The following LIPI variants were observed in gnomAD, a reference collection of about 807,000 sequenced individuals.
The protein encoded by LIPI is lipase member I.
LIPI carries 59 observed loss-of-function variants against 50.6 expected under a neutral mutation model. The observed-to-expected ratio is 1.16, with a 90% CI of 0.94 to 1.45. The LOEUF (loss-of-function observed/expected upper bound fraction) is 1.45. LIPI is among the 40% of genes most tolerant of loss of function. LIPI has a pLI of 0.00. For synonymous variants in LIPI, 203 were observed against 178.2 expected (o/e 1.14, Z -1.11); for missense variants, 586 against 536.3 (o/e 1.09, Z -0.92).
At chr21:14,156,986 T>G (rs1482682443) in intron 7 of LIPI, among the ~76,000 whole-genome samples, 1 of 151,918 alleles carries the variant, frequency 6.6e-6, no homozygotes, top group Non-Finnish European at 1.5e-5. Context: ...AGAAGAATCC[T>G]CACTACATCG....
chr21:14,169,387 C>T (rs1390371849), intron 4 of LIPI, among the ~76,000 whole-genome samples: 1 of 152,116 alleles, frequency 6.6e-6, no homozygotes, highest in African/African-American at 2.4e-5. Context: ...CAGAACTCTC[C>T]ACCCCAAATC....
chr21:14,120,062 A>G (rs2016805514), intron 9 of LIPI, among the ~76,000 whole-genome samples: 1 of 152,218 alleles, frequency 6.6e-6, no homozygotes, highest in Admixed American at 6.5e-5. Flanking sequence ...TTACCAATAG[A>G]ATATGTGGAA....
intron 4 of LIPI, among the ~76,000 whole-genome samples, chr21:14,171,960 C>T (rs980530837): frequency 1.7e-4 from 25 of 150,966 alleles, no homozygotes; most frequent in African/African-American, 4.6e-4. Context: ...TTTTCACAAC[C>T]TACTCATCTG....
chr21:14,186,133 C>T lies in LIPI; in HGVS notation c.433-64G>A, dbSNP rs572179939. ...TCAAGTAATAACAAATCATGCCCCC[C>T]TCATATATCGACATTTCAAAATTCA... is the stretch of plus-strand genomic sequence containing the variant. On this transcript the variant is annotated intron_variant, in intron 2 of 9. Coordinates refer to ENST00000681601, the MANE Select transcript of LIPI (RefSeq NM_001302998.2). 188 of 887,052 alleles carry T rather than the reference C, an allele frequency of 2.1e-4. 5 individuals carry two copies. The highest frequency in any genetic ancestry group is 1.5e-3 in the Middle Eastern group (7 of 4,648). 54.9% of individuals were successfully genotyped at this position (887,052 alleles called of 1,614,324 possible).
intron 9 of LIPI, among the ~76,000 whole-genome samples, chr21:14,118,514 C>A (rs1390042873): frequency 6.6e-6 from 1 of 152,182 alleles, no homozygotes; most frequent in Non-Finnish European, 1.5e-5. Context: ...TACAAAACTG[C>A]AGGCTCAGAT....
intron 4 of LIPI, among the ~76,000 whole-genome samples, chr21:14,176,034 C>T (rs2019082545): frequency 6.6e-6 from 1 of 151,794 alleles, no homozygotes; most frequent in South Asian, 2.1e-4. Flanking sequence ...AAAAATTAGC[C>T]GGGCCTGGTG....
Position 14,189,323 on chromosome 21 carries a change from T to C in LIPI, c.143A>G (p.Tyr48Cys), listed in dbSNP as rs200516405. ...IPRIETILMM[Y>C]TRNNLNCAEP... ...AGCACAGTTTAGGTTGTTCCTTGTATACATCATCAGAATGGTCTCTATTCT... is the reference window on the plus strand; with the variant it reads ...AGCACAGTTTAGGTTGTTCCTTGTACACATCATCAGAATGGTCTCTATTCT... The change falls in exon 2 of 10, where the codon TAT becomes TGT. Residue 48 changes from tyrosine to cysteine, a missense_variant. Transcript: ENST00000681601. 2.7e-5 allele frequency: 43 copies of C among 1,613,382 alleles called. 1 individual carries two copies. The African/African-American group carries it at 3.7e-4, about 14-fold the overall frequency.
At chr21:14,140,561 T>C (rs923907814) in intron 9 of LIPI, among the ~76,000 whole-genome samples, 2 of 152,066 alleles carry the variant, frequency 1.3e-5, no homozygotes, top group Non-Finnish European at 2.9e-5. Flanking sequence ...TTCATTATTG[T>C]GCAAATATAA....
intron 7 of LIPI, among the ~76,000 whole-genome samples, chr21:14,158,803 A>T (rs1418406233): frequency 6.6e-6 from 1 of 150,984 alleles, no homozygotes; most frequent in African/African-American, 2.4e-5. Flanking sequence ...TGTTAGGAAT[A>T]AAACAAAAGG....
intron 9 of LIPI, among the ~76,000 whole-genome samples, chr21:14,122,558 A>G (rs1233575304): frequency 6.6e-6 from 1 of 152,210 alleles, no homozygotes; most frequent in Non-Finnish European, 1.5e-5. Context: ...ACTTAGGACA[A>G]GAAAGAGTCA....
At chr21:14,135,163 C>T (rs2017446500) in intron 9 of LIPI, among the ~76,000 whole-genome samples, 2 of 152,042 alleles carry the variant, frequency 1.3e-5, no homozygotes, top group South Asian at 4.1e-4. Flanking sequence ...GACATACAAG[C>T]AACCAAGAAA....
At chr21:14,202,703 A>C (rs965601160) in intron 1 of LIPI, among the ~76,000 whole-genome samples, 1 of 152,190 alleles carries the variant, frequency 6.6e-6, no homozygotes, top group Admixed American at 6.5e-5. Context: ...TAAAGACTTA[A>C]ATGTTAGACC....
intron 8 of LIPI, among the ~76,000 whole-genome samples, chr21:14,148,811 C>A (rs2123079321): frequency 6.6e-6 from 1 of 152,244 alleles, no homozygotes; most frequent in Non-Finnish European, 1.5e-5. Flanking sequence ...AAACAGTAAA[C>A]CCATTAGCCA....
chr21:14,198,826 G>A (rs2019951886), intron 1 of LIPI, among the ~76,000 whole-genome samples: 1 of 151,796 alleles, frequency 6.6e-6, no homozygotes, highest in South Asian at 2.1e-4. Flanking sequence ...AAGGCCACAT[G>A]GCAAATAGTC....
At chr21:14,196,813 G>A (rs1032879977) in intron 1 of LIPI, among the ~76,000 whole-genome samples, 1 of 151,984 alleles carries the variant, frequency 6.6e-6, no homozygotes, top group Non-Finnish European at 1.5e-5. Flanking sequence ...GCAACAGAAG[G>A]AGAACCTATC....
At chr21:14,160,771 T>C (rs187307574) in intron 7 of LIPI, among the ~76,000 whole-genome samples, 4 of 151,406 alleles carry the variant, frequency 2.6e-5, no homozygotes, top group South Asian at 2.1e-4. Flanking sequence ...TTAGAAATTA[T>C]ATAAAGAATT....
At chr21:14,173,353 C>A (rs949448443) in intron 4 of LIPI, among the ~76,000 whole-genome samples, 1 of 152,150 alleles carries the variant, frequency 6.6e-6, no homozygotes, top group African/African-American at 2.4e-5. Flanking sequence ...TTGGCTGGAG[C>A]AGTTTGAGTC....
intron 8 of LIPI, among the ~76,000 whole-genome samples, chr21:14,146,516 C>G (rs1398477101): frequency 6.6e-6 from 1 of 152,110 alleles, no homozygotes; most frequent in African/African-American, 2.4e-5. Flanking sequence ...ACCCAGGGCA[C>G]CATTGTGTCA....
At chr21:14,187,073 T>A (rs892447439) in intron 2 of LIPI, among the ~76,000 whole-genome samples, 22 of 152,150 alleles carry the variant, frequency 1.4e-4, no homozygotes, top group African/African-American at 5.1e-4. Flanking sequence ...TTCACAAAAG[T>A]TCAATAATGA....
Sources: allele counts gnomAD v4.1 joint callset (sites outside exome capture counted in the v4.1 genomes callset), GRCh38; gene constraint gnomAD v4.1.1; transcripts MANE v1.5; gene names NCBI Gene and HGNC (gene_info 2026-07-23, HGNC 2026-07-21).